CASP2: variants seen among roughly 807,000 people sequenced by gnomAD.
CASP2 encodes the protein caspase-2.
Under a neutral mutation model 54.4 loss-of-function variants are expected in CASP2, and 38 were observed. That is an observed-to-expected ratio of 0.70 (90% confidence interval 0.54 to 0.92). The LOEUF is 0.92. CASP2 is among the 40% of genes least tolerant of loss of function. The pLI, the probability that CASP2 is intolerant of heterozygous loss-of-function variation, is 0.00. For missense variants in CASP2, 512 were observed against 579.6 expected, an observed-to-expected ratio of 0.88 and a Z score of 1.20; for synonymous variants, 215 against 216.3, an observed-to-expected ratio of 0.99 and a Z score of 0.05.
Position 143,304,935 on chromosome 7 carries a change from T to G in CASP2, c.1228-5T>G. 1 of 1,614,188 alleles carries G rather than the reference T, an allele frequency of 6.2e-7. No individual in the cohort carries two copies. Among genetic ancestry groups the G allele is most frequent in the Non-Finnish European group, 8.5e-7 (1 of 1,180,022 alleles). On this transcript the variant is annotated splice_polypyrimidine_tract_variant and splice_region_variant and intron_variant, in intron 10 of 10. Coordinates refer to ENST00000310447, the MANE Select transcript of CASP2 (RefSeq NM_032982.4). ...GACTTGGGCCTATTGGTTCTGCCCC[T>G]CCAGGTGAACGCACTTATCAAGGAT...
chr7:143,292,173 A>C, intron 2 of CASP2, 127 bp from the exon 3 acceptor site: 1 of 855,032 alleles, frequency 1.2e-6, no homozygotes, highest in East Asian at 2.6e-5. Context: ...AAAGGACTTC[A>C]CCCATACATA....
chr7:143,303,389 T>G (rs1801975898), intron 8 of CASP2: 1 of 167,762 alleles, frequency 6.0e-6, no homozygotes, highest in Non-Finnish European at 1.3e-5. Context: ...TATTTTATTA[T>G]GTATTGCAAT....
intron 2 of CASP2, 133 bp downstream of exon 2, chr7:143,291,823 G>C: frequency 2.8e-6 from 2 of 708,286 alleles, no homozygotes; most frequent in South Asian, 3.4e-5. Context: ...CTGTCTCCCA[G>C]GCTGGAGTAC....
intron 8 of CASP2, chr7:143,302,559 G>A (rs1458816427): frequency 6.6e-6 from 1 of 152,084 alleles, no homozygotes; most frequent in Non-Finnish European, 1.5e-5. Context: ...TCTATCCCTA[G>A]GCCTTAAAGT....
Position 143,304,723 on chromosome 7 carries a change from T to C in CASP2, c.1167T>C (p.Ala389=). The C allele has an allele frequency of 6.2e-7, 1 of 1,614,224 alleles. No homozygotes were observed. The highest frequency in any genetic ancestry group is 8.5e-7 in the Non-Finnish European group (1 of 1,180,036). Residue 389 remains alanine (A), a synonymous_variant, in exon 10 of 11, where the codon GCT becomes GCC. Coordinates refer to ENST00000310447, the MANE Select transcript of CASP2 (RefSeq NM_032982.4). ...AACGAGGTTCCTGGTACATCGAGGC[T>C]CTTGCTCAAGTGTTTTCTGAGCGGG... The part of the protein sequence containing the change: ...NTKRGSWYIE[A]LAQVFSERAC...
chr7:143,292,521 G>A, intron 3 of CASP2, 54 bp downstream of exon 3: 1 of 1,608,576 alleles, frequency 6.2e-7, no homozygotes, highest in East Asian at 2.2e-5. Context: ...GACTGGAAAG[G>A]AATTTGTAAG....
At chr7:143,297,806 G>A (rs1334608806) in intron 6 of CASP2, among the ~76,000 whole-genome samples, 1 of 152,172 alleles carries the variant, frequency 6.6e-6, no homozygotes, top group Admixed American at 6.5e-5. Context: ...AATTCTATTA[G>A]CATCAGCTCC....
chr7:143,304,772 A>G lies in CASP2; in HGVS notation c.1216A>G (p.Met406Val), dbSNP rs1295257483. ...ERACDMHVADMLVKVNALIKD... is the reference protein window; with the variant it reads ...ERACDMHVADVLVKVNALIKD... ...GGCTTGTGATATGCACGTGGCCGAC[A>G]TGCTGGTTAAGGTGAGCCAGCGGGC... Residue 406 changes from methionine to valine, a missense_variant, in exon 10 of 11, where the codon ATG (methionine) becomes GTG (valine). By Grantham distance (21) the Met-to-Val change is conservative. This residue lies in a region of CASP2 where 417 missense variants were observed against 495.4 expected (regional missense o/e 0.84). Transcript: ENST00000310447. The G allele has an allele frequency of 6.2e-7, 1 of 1,614,002 alleles. No homozygotes were observed. The highest frequency in any genetic ancestry group is 1.7e-5 in the Admixed American group (1 of 60,024).
intron 2 of CASP2, among the ~76,000 whole-genome samples, 181 bp from the exon 3 acceptor site, chr7:143,292,119 C>T (rs985582046): frequency 2.6e-5 from 4 of 151,982 alleles, no homozygotes; most frequent in Admixed American, 1.3e-4. Flanking sequence ...GCCCTTCTAC[C>T]GTAGAGCATT....
intron 2 of CASP2, among the ~76,000 whole-genome samples, chr7:143,291,913 G>A (rs1312687731): frequency 4.6e-5 from 7 of 151,014 alleles, no homozygotes; most frequent in African/African-American, 1.7e-4. Context: ...CAAGTAGCTG[G>A]GACTACAGGC....
At position 143,288,590 on chromosome 7, in the gene CASP2, C is replaced by T; in HGVS notation, c.74+61C>T. ...GCCCAGGGAAGGGGAGCGTGGCCCCCAGGCGTGCGGCCCTGCAGCCCCCTC... is the reference window on the plus strand; with the variant it reads ...GCCCAGGGAAGGGGAGCGTGGCCCCTAGGCGTGCGGCCCTGCAGCCCCCTC... On this transcript the variant is annotated intron_variant, in intron 1 of 10. Coordinates refer to ENST00000310447, the MANE Select transcript of CASP2 (RefSeq NM_032982.4). The T allele has an allele frequency of 2.7e-6, 4 of 1,463,702 alleles. No homozygotes were observed. In the South Asian group the frequency reaches 3.5e-5, roughly 13 times the overall value. The allele number at this position is 1,463,702 out of a possible 1,614,324, so 90.7% of individuals were successfully genotyped here.
At chr7:143,298,761 C>T (rs1471723752) in intron 6 of CASP2, 1 of 151,748 alleles carries the variant, frequency 6.6e-6, no homozygotes, top group Non-Finnish European at 1.5e-5. Flanking sequence ...TGATCTTACA[C>T]CTGTAAATAG....
chr7:143,292,120 G>C (rs772915451), intron 2 of CASP2, among the ~76,000 whole-genome samples, 180 bp from the exon 3 acceptor site: 1 of 152,060 alleles, frequency 6.6e-6, no homozygotes, highest in African/African-American at 2.4e-5. Context: ...CCCTTCTACC[G>C]TAGAGCATTT....
intron 6 of CASP2, among the ~76,000 whole-genome samples, chr7:143,297,387 A>G (rs1326234024): frequency 6.6e-6 from 1 of 152,108 alleles, no homozygotes; most frequent in African/African-American, 2.4e-5. Context: ...CTATTTACTG[A>G]CCTAATCTCA....
At chr7:143,300,141 T>G in intron 7 of CASP2, 63 bp from the exon 8 acceptor site, 1 of 1,611,900 alleles carries the variant, frequency 6.2e-7, no homozygotes, top group Non-Finnish European at 8.5e-7. Context: ...CTGTTGCATG[T>G]GTAGGACTTA....
intron 6 of CASP2, among the ~76,000 whole-genome samples, chr7:143,297,024 G>GT (rs1177905941): frequency 1.3e-5 from 2 of 152,198 alleles, no homozygotes; most frequent in South Asian, 2.1e-4. Context: ...ATGTGGTATT[G>GT]TTTTTTTAGC....
rs1001265611 is a variant in CASP2 at position 143,306,146 on chromosome 7, T to G, written c.*1075T>G. On this transcript the variant is annotated 3_prime_UTR_variant, in exon 11 of 11. Transcript: ENST00000310447. ...CTTTCAGTATTAAACTCTCCTTTGA[T>G]ATTATGTGGCTTTTATTTCAGTGCC... 11 of 152,284 alleles carry G rather than the reference T, an allele frequency of 7.2e-5. No individual in the cohort carries two copies. The highest frequency in any genetic ancestry group is 2.6e-4 in the African/African-American group (11 of 41,550). The allele number at this position is 152,284 out of a possible 1,614,324, so 9.4% of individuals were successfully genotyped here.
At chr7:143,301,381 G>A (rs1482066945) in intron 8 of CASP2, 3 of 151,854 alleles carry the variant, frequency 2.0e-5, no homozygotes, top group East Asian at 1.9e-4. Context: ...CTCAGACTAC[G>A]GCAGTTACTA....
chr7:143,301,101 C>T (rs994947285), intron 8 of CASP2: 1 of 193,374 alleles, frequency 5.2e-6, no homozygotes, highest in Non-Finnish European at 9.8e-6. Context: ...TCATAAGGTG[C>T]TTGTGATGGT....
Sources: allele counts gnomAD v4.1 joint callset (sites outside exome capture counted in the v4.1 genomes callset), GRCh38; gene constraint gnomAD v4.1.1; regional missense constraint gnomAD v4.1.1; transcripts MANE v1.5; gene names NCBI Gene and HGNC (gene_info 2026-07-23, HGNC 2026-07-21).